Variants in METTL15 observed in about 807,000 individuals in gnomAD.
METTL15 encodes 12S rRNA N(4)-cytidine methyltransferase METTL15.
In METTL15, 34 loss-of-function variants were observed where a neutral mutation model predicts 38.3. That is an observed-to-expected ratio of 0.89 (90% CI 0.68 to 1.18). METTL15 has a LOEUF of 1.18. Ranked by LOEUF, METTL15 falls within the 50% of genes most tolerant of loss-of-function variation. METTL15 has a pLI of 0.00. For synonymous variants in METTL15, 162 were observed against 170.9 expected, an observed-to-expected ratio of 0.95 and a Z score of 0.41; for missense variants, 438 against 498.4, an observed-to-expected ratio of 0.88 and a Z score of 1.15.
intron 3 of METTL15, among the ~76,000 whole-genome samples, chr11:28,127,428 A>T (rs997114517): frequency 6.7e-6 from 1 of 149,280 alleles, no homozygotes; most frequent in Admixed American, 6.6e-5. Context: ...GTGCCCACAG[A>T]TCCAGTATCT....
At chr11:28,138,927 C>A (rs1003520383) in intron 3 of METTL15, among the ~76,000 whole-genome samples, 1 of 152,150 alleles carries the variant, frequency 6.6e-6, no homozygotes, top group African/African-American at 2.4e-5. Flanking sequence ...AAAAGCACAC[C>A]AGATTGGCTA....
intron 3 of METTL15, among the ~76,000 whole-genome samples, chr11:28,150,253 C>CT (rs1481870386): frequency 2.0e-5 from 3 of 151,790 alleles, no homozygotes; most frequent in African/African-American, 7.3e-5. Context: ...TAGTATTGAT[C>CT]TTTTTTCATT....
intron 3 of METTL15, among the ~76,000 whole-genome samples, chr11:28,208,288 C>A (rs1050103043): frequency 1.3e-5 from 2 of 151,986 alleles, no homozygotes; most frequent in Non-Finnish European, 2.9e-5. Context: ...TGAATGTGTC[C>A]CAGAGATTCT....
At chr11:28,122,361 GTGTGTGTGTGTA>G (rs765964628) in intron 3 of METTL15, among the ~76,000 whole-genome samples, 10,790 of 92,474 alleles carry the variant, frequency 0.12, 802 homozygotes, top group East Asian at 0.35. Flanking sequence ...GTGTGTGTGT[GTGTGTGTGTGTA>G]TATATATATA....
chr11:28,285,934 T>C (rs1458181089), intron 4 of METTL15, among the ~76,000 whole-genome samples: 1 of 152,266 alleles, frequency 6.6e-6, no homozygotes, highest in African/African-American at 2.4e-5. Flanking sequence ...TAGTGGGCCA[T>C]TGGGATAATG....
chr11:28,123,153 G>A (rs1411682246), intron 3 of METTL15, among the ~76,000 whole-genome samples: 1 of 152,054 alleles, frequency 6.6e-6, no homozygotes, highest in South Asian at 2.1e-4. Flanking sequence ...AGGGAGAAAC[G>A]AGTGAGGTTT....
intron 5 of METTL15, among the ~76,000 whole-genome samples, chr11:28,391,966 G>T (rs375636233): frequency 6.6e-6 from 1 of 152,098 alleles, no homozygotes; most frequent in Non-Finnish European, 1.5e-5. Flanking sequence ...TGACAAATGG[G>T]ATCTAATTAA....
intron 3 of METTL15, among the ~76,000 whole-genome samples, chr11:28,350,395 T>C (rs1850030654): frequency 6.6e-6 from 1 of 152,208 alleles, no homozygotes. Context: ...ATAAACAAAA[T>C]TAGTTTTATT....
chr11:28,263,703 A>G (rs1289447463), intron 4 of METTL15, among the ~76,000 whole-genome samples: 1 of 152,104 alleles, frequency 6.6e-6, no homozygotes, highest in Admixed American at 6.6e-5. Flanking sequence ...GTTCAAAAGC[A>G]TATTTTTGAA....
chr11:28,361,688 A>G (rs1850140351), intron 4 of METTL15, among the ~76,000 whole-genome samples: 1 of 152,110 alleles, frequency 6.6e-6, no homozygotes, highest in African/African-American at 2.4e-5. Flanking sequence ...GCCCTATAGT[A>G]CTGCCATTTA....
At chr11:28,120,782 G>T (rs754244298) in intron 3 of METTL15, among the ~76,000 whole-genome samples, 1 of 152,064 alleles carries the variant, frequency 6.6e-6, no homozygotes. Context: ...CAGTATCTGG[G>T]TTTGTCAACT....
chr11:28,270,453 A>C (rs550464417), intron 4 of METTL15, among the ~76,000 whole-genome samples: 4 of 152,308 alleles, frequency 2.6e-5, no homozygotes, highest in South Asian at 2.1e-4. Flanking sequence ...TTTGAGGTAC[A>C]AAATATGTAG....
intron 4 of METTL15, among the ~76,000 whole-genome samples, chr11:28,353,887 T>TGCAGTCC (rs552025529): frequency 3.4e-4 from 47 of 138,820 alleles, no homozygotes; most frequent in African/African-American, 1.3e-3. Context: ...ATTGCGCCAC[T>TGCAGTCC]GCAGTCCGCA....
chr11:28,258,233 G>A (rs1003828314), intron 4 of METTL15, among the ~76,000 whole-genome samples: 1 of 152,070 alleles, frequency 6.6e-6, no homozygotes, highest in Non-Finnish European at 1.5e-5. Flanking sequence ...TAAACAATGG[G>A]GTATCTCTCT....
At chr11:28,323,602 CAG>C (rs1849540788) in intron 6 of METTL15, among the ~76,000 whole-genome samples, 2 of 152,060 alleles carry the variant, frequency 1.3e-5, no homozygotes, top group Non-Finnish European at 2.9e-5. Flanking sequence ...AGAGCAAGGT[CAG>C]GGGATGTTGG....
intron 3 of METTL15, among the ~76,000 whole-genome samples, chr11:28,196,276 A>G (rs1234938427): frequency 6.6e-6 from 1 of 151,994 alleles, no homozygotes; most frequent in East Asian, 1.9e-4. Context: ...CATTTAATAT[A>G]TAGACTGCTT....
chr11:28,532,047 A>G, the METTL15 span, among the ~76,000 whole-genome samples: 45 of 152,172 alleles, frequency 3.0e-4, no homozygotes, highest in African/African-American at 1.0e-3. Flanking sequence ...TTCTAAAACT[A>G]TATTGTTGCA....
chr11:28,173,452 A>G (rs1298871971), intron 3 of METTL15, among the ~76,000 whole-genome samples: 2 of 152,236 alleles, frequency 1.3e-5, no homozygotes, highest in Non-Finnish European at 2.9e-5. Flanking sequence ...TAGATTTCAC[A>G]GCCTCCAGAA....
At chr11:28,129,083 A>G (rs1374105378) in intron 3 of METTL15, among the ~76,000 whole-genome samples, 1 of 152,310 alleles carries the variant, frequency 6.6e-6, no homozygotes, top group East Asian at 1.9e-4. Flanking sequence ...GAAAGTCCTC[A>G]TAGGACATGA....
Sources: gnomAD v4.1 joint callset for allele counts (sites outside exome capture counted in the v4.1 genomes callset) on GRCh38, gnomAD v4.1.1 for gene constraint, MANE v1.5 for transcripts, NCBI Gene and HGNC (gene_info 2026-07-23, HGNC 2026-07-21) for gene names.